EPHB1: variants seen among roughly 807,000 people sequenced by gnomAD.
The protein encoded by EPHB1 is ephrin type-B receptor 1.
Under a neutral mutation model 94.4 loss-of-function variants are expected in EPHB1, and 30 were observed. The ratio of observed to expected loss-of-function variants is 0.32; its 90% confidence interval spans 0.24 to 0.43. EPHB1 has a LOEUF of 0.43. Among genes scored for constraint, EPHB1 ranks in the 20% least tolerant of loss-of-function variants. EPHB1 has a pLI of 1.00. For synonymous variants in EPHB1, 522 were observed against 489.1 expected (o/e 1.07, Z -0.89); for missense variants, 1,055 against 1,308.3 (o/e 0.81, Z 2.99).
intron 1 of EPHB1, among the ~76,000 whole-genome samples, chr3:134,879,918 A>G (rs1218039206): frequency 6.6e-6 from 1 of 152,236 alleles, no homozygotes; most frequent in African/African-American, 2.4e-5. Flanking sequence ...GCCAGAAAAA[A>G]ACGATCAACA....
At chr3:135,219,652 T>A (rs1943232239) in intron 12 of EPHB1, among the ~76,000 whole-genome samples, 2 of 152,348 alleles carry the variant, frequency 1.3e-5, no homozygotes, top group Admixed American at 1.3e-4. Context: ...GGTTGTTATG[T>A]TCACTGAGTT....
In EPHB1 at chr3:135,162,479, C is replaced by T. The variant is rs545162716; in HGVS notation, c.1585+299C>T. On this transcript the variant is annotated intron_variant, in intron 7 of 15. Coordinates refer to ENST00000398015, the MANE Select transcript of EPHB1 (RefSeq NM_004441.5). The stretch of plus-strand genomic sequence containing the variant: ...CCAGTGTGCCCTCTTGCCTAGGTAT[C>T]CAGGTCCAGATGCCTCTGTTTCACC... Among the ~76,000 whole-genome samples the T allele has an allele frequency of 2.0e-5, 3 of 152,298 alleles. No individual in the cohort carries two copies. The South Asian group carries it at 6.2e-4, about 32-fold the overall frequency.
chr3:135,059,360 T>C (rs1247705286), intron 3 of EPHB1, among the ~76,000 whole-genome samples: 1 of 152,206 alleles, frequency 6.6e-6, no homozygotes, highest in Non-Finnish European at 1.5e-5. Flanking sequence ...ATGGGTCACT[T>C]TTCTCCTGGA....
At chr3:134,897,236 G>T (rs2038104348) in intron 1 of EPHB1, among the ~76,000 whole-genome samples, 1 of 152,160 alleles carries the variant, frequency 6.6e-6, no homozygotes, top group Non-Finnish European at 1.5e-5. Context: ...GCCTTGAATG[G>T]CCACAGCATC....
At chr3:134,845,217 T>C (rs1030349135) in intron 1 of EPHB1, among the ~76,000 whole-genome samples, 1 of 152,240 alleles carries the variant, frequency 6.6e-6, no homozygotes, top group Admixed American at 6.5e-5. Flanking sequence ...GTTGTGTGAC[T>C]GAAATAAGAT....
intron 1 of EPHB1, among the ~76,000 whole-genome samples, chr3:134,916,050 G>A (rs977959866): frequency 1.3e-5 from 2 of 152,122 alleles, no homozygotes; most frequent in Admixed American, 6.5e-5. Context: ...TTGACAGGGT[G>A]CTGATTGGTG....
intron 5 of EPHB1, among the ~76,000 whole-genome samples, chr3:135,134,948 T>C (rs1940563604): frequency 6.6e-6 from 1 of 152,138 alleles, no homozygotes; most frequent in Admixed American, 6.5e-5. Context: ...TGTCTTGCCA[T>C]CTGCACCTTC....
intron 1 of EPHB1, among the ~76,000 whole-genome samples, chr3:134,806,371 C>A (rs532319478): frequency 6.6e-6 from 1 of 152,168 alleles, no homozygotes; most frequent in Admixed American, 6.5e-5. Flanking sequence ...GAAGGGGTCA[C>A]GTAGAATTTC....
rs537956453 is a variant in EPHB1 at position 134,795,778 on chromosome 3, G to C, written c.58+89G>C. On this transcript the variant is annotated intron_variant, in intron 1 of 15. Transcript: ENST00000398015. Reference sequence around the variant, plus strand: ...CGCGGTTCGCGGGGTTCCTCTGGCTGCTTTGCGGTGCAGGCATCCCGGGAC... The same window carrying C: ...CGCGGTTCGCGGGGTTCCTCTGGCTCCTTTGCGGTGCAGGCATCCCGGGAC... 34 of 1,406,102 alleles carry C rather than the reference G, an allele frequency of 2.4e-5. 1 individual carries two copies. The South Asian group carries it at 3.9e-4, about 16-fold the overall frequency. The allele number at this position is 1,406,102 out of a possible 1,614,324, so 87.1% of individuals were successfully genotyped here.
chr3:135,122,472 C>T (rs920763892), intron 4 of EPHB1, among the ~76,000 whole-genome samples: 1 of 152,164 alleles, frequency 6.6e-6, no homozygotes, highest in Non-Finnish European at 1.5e-5. Flanking sequence ...TACCTTTCCA[C>T]TCTTTGGCCC....
chr3:135,048,263 T>TC (rs1377294397), intron 3 of EPHB1, among the ~76,000 whole-genome samples: 66 of 127,608 alleles, frequency 5.2e-4, no homozygotes, highest in African/African-American at 1.2e-3. Context: ...TTTTTTCTTT[T>TC]TTTTTTTTTT....
chr3:135,101,190 C>T (rs1012329254), intron 3 of EPHB1, among the ~76,000 whole-genome samples: 5 of 152,168 alleles, frequency 3.3e-5, no homozygotes, highest in African/African-American at 9.7e-5. Context: ...TTCTACCCAC[C>T]TCCTGGAAAT....
At chr3:134,902,309 A>G (rs1365479088) in intron 1 of EPHB1, among the ~76,000 whole-genome samples, 1 of 152,190 alleles carries the variant, frequency 6.6e-6, no homozygotes, top group Non-Finnish European at 1.5e-5. Flanking sequence ...GAGGGGAGCC[A>G]GGAGTCCAGG....
intron 3 of EPHB1, among the ~76,000 whole-genome samples, chr3:135,011,072 GCTTGAATCTT>G (rs1398171124): frequency 6.6e-6 from 1 of 152,184 alleles, no homozygotes; most frequent in Non-Finnish European, 1.5e-5. Flanking sequence ...TTTTGAGAAT[GCTTGAATCTT>G]CTTGCCTATT....
chr3:134,828,406 C>G (rs2036524887), intron 1 of EPHB1, among the ~76,000 whole-genome samples: 1 of 152,186 alleles, frequency 6.6e-6, no homozygotes, highest in Admixed American at 6.5e-5. Context: ...AGAGACTGTC[C>G]TTTTGCTCTT....
intron 5 of EPHB1, among the ~76,000 whole-genome samples, chr3:135,153,271 C>T (rs377597595): frequency 2.6e-5 from 4 of 152,190 alleles, no homozygotes; most frequent in South Asian, 2.1e-4. Context: ...CAGGACTAAA[C>T]GGAACAGCCC....
At chr3:134,850,466 C>G (rs557564275) in intron 1 of EPHB1, among the ~76,000 whole-genome samples, 87 of 152,276 alleles carry the variant, frequency 5.7e-4, no homozygotes, top group African/African-American at 2.0e-3. Flanking sequence ...CAACCTTGCC[C>G]CCTGGGAATT....
chr3:134,852,325 G>C lies in EPHB1; in HGVS notation c.58+56636G>C, dbSNP rs114375012. Among the ~76,000 whole-genome samples the C allele has an allele frequency of 2.6e-5, 4 of 152,268 alleles. No individual in the cohort carries two copies. The East Asian group carries it at 7.7e-4, about 29-fold the overall frequency. ...ACAGATGGCTCTGTCAAATCTGGAC[G>C]GGTTCCGAAGATGTTATTGGATTTC... On this transcript the variant is annotated intron_variant, in intron 1 of 15. Transcript: ENST00000398015.
At chr3:135,155,366 A>G (rs1576432110) in intron 6 of EPHB1, among the ~76,000 whole-genome samples, 1 of 152,098 alleles carries the variant, frequency 6.6e-6, no homozygotes, top group African/African-American at 2.4e-5. Flanking sequence ...GGAAAGGGCA[A>G]CAGCCTATGC....
Sources: gnomAD v4.1 joint callset for allele counts (sites outside exome capture counted in the v4.1 genomes callset) on GRCh38, gnomAD v4.1.1 for gene constraint, MANE v1.5 for transcripts, NCBI Gene and HGNC (gene_info 2026-07-23, HGNC 2026-07-21) for gene names.